The following LRRC52 variants were observed in gnomAD, a reference collection of about 807,000 sequenced individuals.
The protein encoded by LRRC52 is leucine-rich repeat-containing protein 52.
Under a neutral mutation model 14.7 loss-of-function variants are expected in LRRC52, and 15 were observed. The ratio of observed to expected loss-of-function variants is 1.02; its 90% confidence interval spans 0.68 to 1.58. LRRC52 has a LOEUF of 1.58. Ranked by LOEUF, LRRC52 falls within the 40% of genes most tolerant of loss-of-function variation. LRRC52 has a pLI of 0.00. For synonymous variants in LRRC52, 180 were observed against 163.9 expected, an observed-to-expected ratio of 1.10 and a Z score of -0.75; for missense variants, 400 against 387.7, an observed-to-expected ratio of 1.03 and a Z score of -0.27.
In LRRC52 at chr1:165,544,521, C is replaced by G. The variant is rs375094839; in HGVS notation, c.225C>G (p.Leu75=). The change falls in exon 1 of 2, where the codon CTC becomes CTG. Residue 75 remains leucine, a synonymous_variant. Transcript: ENST00000294818. ...GTTTGCCAGCAATGCATCTAGGACT[C>G]CTCAGTGACCTTGTTTATTTGGACT... is the stretch of plus-strand genomic sequence containing the variant. ...ITSLPAMHLG[L]LSDLVYLDCQ... is the part of the protein sequence containing the mutation. The G allele has an allele frequency of 1.2e-6, 2 of 1,614,008 alleles. No homozygotes were observed. The highest frequency in any genetic ancestry group is 1.3e-5 in the African/African-American group (1 of 74,900).
intron 1 of LRRC52, among the ~76,000 whole-genome samples, chr1:165,560,342 G>A (rs1287657434): frequency 6.6e-6 from 1 of 152,128 alleles, no homozygotes; most frequent in Non-Finnish European, 1.5e-5. Flanking sequence ...GATTAACCTA[G>A]AATCTCATAA....
chr1:165,547,980 T>A (rs1661056332), intron 1 of LRRC52, among the ~76,000 whole-genome samples: 2 of 152,340 alleles, frequency 1.3e-5, no homozygotes, highest in Admixed American at 6.5e-5. Flanking sequence ...ACATTCTTGG[T>A]GAAGTTTCAA....
chr1:165,552,832 G>A (rs1291837447), intron 1 of LRRC52, among the ~76,000 whole-genome samples: 2 of 152,138 alleles, frequency 1.3e-5, no homozygotes, highest in African/African-American at 4.8e-5. Flanking sequence ...TTTCCTGAGT[G>A]AATGAATGAG....
intron 1 of LRRC52, among the ~76,000 whole-genome samples, 156 bp downstream of exon 1, chr1:165,545,074 T>C (rs893885057): frequency 2.6e-5 from 4 of 151,944 alleles, no homozygotes. Flanking sequence ...TTGACTGGAG[T>C]AGCAGTAAGA....
intron 1 of LRRC52, among the ~76,000 whole-genome samples, chr1:165,552,347 T>G (rs1052143725): frequency 3.9e-5 from 6 of 152,238 alleles, no homozygotes; most frequent in South Asian, 2.1e-4. Context: ...AACCTCAGTT[T>G]GCTCATCTTT....
chr1:165,548,505 T>A (rs1661068529), intron 1 of LRRC52, among the ~76,000 whole-genome samples: 1 of 152,204 alleles, frequency 6.6e-6, no homozygotes, highest in African/African-American at 2.4e-5. Flanking sequence ...GGCCAGCATG[T>A]GCCTGCTGGG....
chr1:165,550,979 T>C (rs1407150690), intron 1 of LRRC52, among the ~76,000 whole-genome samples: 1 of 152,086 alleles, frequency 6.6e-6, no homozygotes, highest in Non-Finnish European at 1.5e-5. Flanking sequence ...TGGACCTAAA[T>C]AGAAAGATAA....
chr1:165,554,279 A>G (rs78700834), intron 1 of LRRC52, among the ~76,000 whole-genome samples: 5,088 of 152,196 alleles, frequency 0.033, 310 homozygotes, highest in African/African-American at 0.12. Flanking sequence ...GGGTAAAGCA[A>G]TGTGGGTTTG....
At position 165,544,219 on chromosome 1, in the gene LRRC52, ACCCCC is replaced by A; in HGVS notation, c.-75_-71del. On this transcript the variant is annotated 5_prime_UTR_variant, in exon 1 of 2. Coordinates refer to ENST00000294818, the MANE Select transcript of LRRC52 (RefSeq NM_001005214.4). Reference sequence around the variant, plus strand: ...CTTTCCAGAGCCCCTCCCCCGCCCCACCCCCCCACCGGCAGCCTTCGGATCAGAGG... The same window carrying A: ...CTTTCCAGAGCCCCTCCCCCGCCCCACCACCGGCAGCCTTCGGATCAGAGG... 3 of 515,942 alleles carry A rather than the reference ACCCCC, an allele frequency of 5.8e-6. 1 individual carries two copies. The highest frequency in any genetic ancestry group is 4.0e-5 in the African/African-American group (2 of 49,794). 32.0% of individuals were successfully genotyped at this position (515,942 alleles called of 1,614,324 possible). A position where few individuals can be genotyped will look rare whatever the true frequency, so the allele number is the denominator to read the frequency against.
intron 1 of LRRC52, among the ~76,000 whole-genome samples, chr1:165,548,486 G>A (rs554346069): frequency 2.8e-4 from 43 of 152,304 alleles, no homozygotes; most frequent in Non-Finnish European, 5.6e-4. Flanking sequence ...AACAGGGCAG[G>A]ACAAACGAGG....
At chr1:165,549,902 A>G (rs546797629) in intron 1 of LRRC52, among the ~76,000 whole-genome samples, 1 of 152,372 alleles carries the variant, frequency 6.6e-6, no homozygotes, top group African/African-American at 2.4e-5. Flanking sequence ...CTCCAATGGC[A>G]TACTCACCAG....
chr1:165,563,058 G>A (rs77083172), intron 1 of LRRC52, among the ~76,000 whole-genome samples: 1,802 of 152,208 alleles, frequency 0.012, 77 homozygotes, highest in Admixed American at 0.064. Context: ...AGGGAAAGTC[G>A]GGATGGAGGC....
In LRRC52 at chr1:165,563,892, C is replaced by T; in HGVS notation, c.*68C>T. ...GCTTTCTCTCTTGCCCTCCCCATCC[C>T]ACCACCTTGGAGCTGTCATAGAGAT... On this transcript the variant is annotated 3_prime_UTR_variant, in exon 2 of 2. Coordinates refer to ENST00000294818, the MANE Select transcript of LRRC52 (RefSeq NM_001005214.4). 2.0e-6 allele frequency: 3 copies of T among 1,481,908 alleles called. No homozygotes were observed. The highest frequency in any genetic ancestry group is 1.4e-5 in the African/African-American group (1 of 71,796). 91.8% of individuals were successfully genotyped at this position (1,481,908 alleles called of 1,614,324 possible). A position where few individuals can be genotyped will look rare whatever the true frequency, so the allele number is the denominator to read the frequency against.
chr1:165,560,107 C>A (rs1182209627), intron 1 of LRRC52, among the ~76,000 whole-genome samples: 1 of 152,216 alleles, frequency 6.6e-6, no homozygotes, highest in African/African-American at 2.4e-5. Flanking sequence ...GGAGCGCACA[C>A]AAACTCCATA....
At chr1:165,548,894 C>T (rs1661076183) in intron 1 of LRRC52, among the ~76,000 whole-genome samples, 2 of 152,028 alleles carry the variant, frequency 1.3e-5, no homozygotes, top group East Asian at 1.9e-4. Context: ...CAAGTGTTCC[C>T]CTAGATAAGC....
intron 1 of LRRC52, among the ~76,000 whole-genome samples, chr1:165,549,038 T>C (rs1203840010): frequency 6.6e-6 from 1 of 152,122 alleles, no homozygotes; most frequent in Non-Finnish European, 1.5e-5. Flanking sequence ...AAGACTCTAA[T>C]CCATACAAAA....
intron 1 of LRRC52, among the ~76,000 whole-genome samples, chr1:165,561,047 G>C (rs888579690): frequency 6.6e-6 from 1 of 152,144 alleles, no homozygotes; most frequent in Admixed American, 6.5e-5. Flanking sequence ...GAGCCCGGGA[G>C]GGGAGAGCCC....
chr1:165,559,012 T>C (rs913909991), intron 1 of LRRC52, among the ~76,000 whole-genome samples: 1 of 152,204 alleles, frequency 6.6e-6, no homozygotes, highest in Non-Finnish European at 1.5e-5. Flanking sequence ...ATGAGAGATA[T>C]TGGTCAATGA....
At chr1:165,557,064 C>T (rs1187970591) in intron 1 of LRRC52, among the ~76,000 whole-genome samples, 1 of 152,170 alleles carries the variant, frequency 6.6e-6, no homozygotes, top group East Asian at 1.9e-4. Flanking sequence ...GTGTGCCAGG[C>T]ACTAAGGATA....
Sources: gnomAD v4.1 joint callset for allele counts (sites outside exome capture counted in the v4.1 genomes callset) on GRCh38, gnomAD v4.1.1 for gene constraint, MANE v1.5 for transcripts, NCBI Gene and HGNC (gene_info 2026-07-23, HGNC 2026-07-21) for gene names.